CAMTA1: variants seen among roughly 807,000 people sequenced by gnomAD.
CAMTA1 encodes calmodulin-binding transcription activator 1.
A neutral mutation model predicts 170.9 loss-of-function variants in CAMTA1; 27 were observed. That is an observed-to-expected ratio of 0.16 (90% CI 0.12 to 0.22). The LOEUF is 0.22. CAMTA1 is among the 10% of genes least tolerant of loss of function. The probability of loss-of-function intolerance (pLI) is 1.00; values close to 1 mark genes in which losing one functional copy is unlikely to be tolerated. For synonymous variants in CAMTA1, 833 were observed against 891.5 expected, an observed-to-expected ratio of 0.93 and a Z score of 1.17; for missense variants, 1,619 against 2,217.2, an observed-to-expected ratio of 0.73 and a Z score of 5.42.
At chr1:7,484,620 T>C (rs2093591766) in intron 6 of CAMTA1, among the ~76,000 whole-genome samples, 1 of 152,046 alleles carries the variant, frequency 6.6e-6, no homozygotes, top group Non-Finnish European at 1.5e-5. Flanking sequence ...AAATCCCGTC[T>C]CTACTAAAAA....
chr1:7,207,335 G>A (rs1229033741), intron 4 of CAMTA1, among the ~76,000 whole-genome samples: 8 of 152,188 alleles, frequency 5.3e-5, no homozygotes, highest in Non-Finnish European at 1.2e-4. Flanking sequence ...CGTGTCAAGG[G>A]CCAGGTTGCT....
chr1:7,330,711 C>T (rs2082975304), intron 5 of CAMTA1, among the ~76,000 whole-genome samples: 1 of 152,208 alleles, frequency 6.6e-6, no homozygotes, highest in Non-Finnish European at 1.5e-5. Context: ...ACTGTTTATA[C>T]TAACTGGCTG....
At chr1:7,337,917 G>C (rs893512760) in intron 5 of CAMTA1, among the ~76,000 whole-genome samples, 7 of 151,858 alleles carry the variant, frequency 4.6e-5, no homozygotes, top group African/African-American at 1.7e-4. Flanking sequence ...GGATTTGTCA[G>C]TCCCCACAAT....
At chr1:7,124,460 C>G (rs1012570593) in intron 4 of CAMTA1, among the ~76,000 whole-genome samples, 1 of 152,244 alleles carries the variant, frequency 6.6e-6, no homozygotes, top group African/African-American at 2.4e-5. Flanking sequence ...GTACGTCATT[C>G]CTTCTTTGCC....
chr1:7,518,434 C>T (rs1434427413), intron 6 of CAMTA1, among the ~76,000 whole-genome samples: 2 of 151,926 alleles, frequency 1.3e-5, no homozygotes, highest in African/African-American at 4.9e-5. Context: ...AGTGTCTCCA[C>T]CCATTTAGAA....
intron 1 of CAMTA1, among the ~76,000 whole-genome samples, chr1:6,815,038 A>G (rs1645621576): frequency 6.6e-6 from 1 of 152,174 alleles, no homozygotes; most frequent in Non-Finnish European, 1.5e-5. Context: ...CTTGATAGCC[A>G]GGTAGTTACT....
chr1:7,623,501 G>A (rs1283230181), intron 6 of CAMTA1, among the ~76,000 whole-genome samples: 1 of 152,176 alleles, frequency 6.6e-6, no homozygotes, highest in East Asian at 1.9e-4. Flanking sequence ...TCCTAGAAAT[G>A]AAGGAAACAC....
intron 3 of CAMTA1, among the ~76,000 whole-genome samples, chr1:6,941,194 C>A (rs1686546862): frequency 6.6e-6 from 1 of 152,114 alleles, no homozygotes. Context: ...CCATAGCTCT[C>A]AATAGCTGCA....
intron 3 of CAMTA1, among the ~76,000 whole-genome samples, chr1:6,939,539 G>C (rs1686053024): frequency 6.6e-6 from 1 of 152,188 alleles, no homozygotes; most frequent in Admixed American, 6.5e-5. Flanking sequence ...ACAGCAAAGT[G>C]GCTCCAACCT....
intron 4 of CAMTA1, among the ~76,000 whole-genome samples, chr1:7,230,434 C>G: frequency 1.7e-5 from 1 of 58,084 alleles, no homozygotes; most frequent in East Asian, 5.3e-4. Flanking sequence ...CTGGGCTGAC[C>G]CCCCCCCCCC....
intron 11 of CAMTA1, among the ~76,000 whole-genome samples, chr1:7,719,036 T>G (rs1484012136): frequency 6.6e-6 from 1 of 152,184 alleles, no homozygotes; most frequent in Non-Finnish European, 1.5e-5. Flanking sequence ...TTCTGCAAAG[T>G]TAGCCGACTT....
intron 5 of CAMTA1, among the ~76,000 whole-genome samples, chr1:7,257,543 C>T (rs1266902982): frequency 6.7e-6 from 1 of 149,152 alleles, no homozygotes; most frequent in East Asian, 2.0e-4. Flanking sequence ...CCGTAGCTTC[C>T]GAGCTTCCAC....
chr1:7,155,921 A>G (rs1416055217), intron 4 of CAMTA1, among the ~76,000 whole-genome samples: 1 of 152,134 alleles, frequency 6.6e-6, no homozygotes, highest in Non-Finnish European at 1.5e-5. Context: ...TTTATGGGGC[A>G]TCTCTTCTAG....
At chr1:7,740,325 T>A (rs4908690) in intron 16 of CAMTA1, among the ~76,000 whole-genome samples, 1 of 151,964 alleles carries the variant, frequency 6.6e-6, no homozygotes, top group Non-Finnish European at 1.5e-5. Context: ...AACGGAGGAG[T>A]GTGGCTGTTT....
chr1:6,809,549 G>A (rs894665958), intron 1 of CAMTA1, among the ~76,000 whole-genome samples: 17 of 152,010 alleles, frequency 1.1e-4, no homozygotes, highest in African/African-American at 4.1e-4. Context: ...AGGTCTGGAG[G>A]GGCAGATGCA....
intron 5 of CAMTA1, among the ~76,000 whole-genome samples, chr1:7,258,624 T>C (rs1667746838): frequency 1.3e-5 from 2 of 152,204 alleles, no homozygotes; most frequent in African/African-American, 4.8e-5. Flanking sequence ...TGGAAGACCA[T>C]AATAGATACT....
At chr1:6,903,954 C>G (rs545718756) in intron 3 of CAMTA1, among the ~76,000 whole-genome samples, 1 of 152,372 alleles carries the variant, frequency 6.6e-6, no homozygotes, top group African/African-American at 2.4e-5. Flanking sequence ...CATTACCACT[C>G]TGTTGACGAT....
chr1:6,917,833 A>G (rs1681154172), intron 3 of CAMTA1, among the ~76,000 whole-genome samples: 1 of 112,598 alleles, frequency 8.9e-6, no homozygotes, highest in African/African-American at 3.1e-5. Flanking sequence ...GAAGGGCAGA[A>G]GCAAAACCCA....
chr1:6,990,332 A>G (rs1696145115), intron 3 of CAMTA1, among the ~76,000 whole-genome samples: 1 of 152,188 alleles, frequency 6.6e-6, no homozygotes, highest in South Asian at 2.1e-4. Flanking sequence ...TTTCAAACGT[A>G]AAGAAGAGTT....
Sources: allele counts gnomAD v4.1 joint callset (sites outside exome capture counted in the v4.1 genomes callset), GRCh38; gene constraint gnomAD v4.1.1; transcripts MANE v1.5; gene names NCBI Gene and HGNC (gene_info 2026-07-23, HGNC 2026-07-21).